The following CAMKMT variants were observed in gnomAD, a reference collection of about 807,000 sequenced individuals.
The protein encoded by CAMKMT is CaM KMT.
In CAMKMT, 53 loss-of-function variants were observed where a neutral mutation model predicts 48.0. The observed-to-expected ratio is 1.10, with a 90% confidence interval of 0.89 to 1.39. The LOEUF (loss-of-function observed/expected upper bound fraction) is 1.39, where lower values mean the gene tolerates loss of function less well. CAMKMT is among the 40% of genes most tolerant of loss of function. CAMKMT has a pLI of 0.00. For synonymous variants in CAMKMT, 165 were observed against 152.3 expected (o/e 1.08, Z -0.61); for missense variants, 428 against 402.7 (o/e 1.06, Z -0.54).
At chr2:44,415,855 CACTAA>C (rs1345471055) in intron 3 of CAMKMT, among the ~76,000 whole-genome samples, 1 of 152,156 alleles carries the variant, frequency 6.6e-6, no homozygotes, top group African/African-American at 2.4e-5. Flanking sequence ...AACCCCTACA[CACTAA>C]ATCATGCTGT....
At chr2:44,368,967 C>T (rs59090218) in intron 1 of CAMKMT, among the ~76,000 whole-genome samples, 5,159 of 152,188 alleles carry the variant, frequency 0.034, 394 homozygotes, top group East Asian at 0.32. Context: ...CCTTCTGTGC[C>T]TTCTGCCTCC....
chr2:44,687,011 A>G (rs1205911373), intron 3 of CAMKMT, among the ~76,000 whole-genome samples: 3 of 152,220 alleles, frequency 2.0e-5, no homozygotes, highest in African/African-American at 7.2e-5. Flanking sequence ...GGTTACTGTA[A>G]AATTAGAGGC....
chr2:44,670,650 G>A (rs1675273401), intron 3 of CAMKMT, among the ~76,000 whole-genome samples: 4 of 152,084 alleles, frequency 2.6e-5, no homozygotes, highest in Admixed American at 2.6e-4. Context: ...GTGTCAGTGA[G>A]ACCCTGTCTC....
intron 3 of CAMKMT, among the ~76,000 whole-genome samples, chr2:44,642,404 C>T (rs1011884612): frequency 3.9e-5 from 6 of 152,234 alleles, no homozygotes; most frequent in African/African-American, 1.4e-4. Context: ...TGCCATAAGG[C>T]AGCTGTGTTG....
At chr2:44,517,783 C>T (rs1670908162) in intron 3 of CAMKMT, among the ~76,000 whole-genome samples, 2 of 152,160 alleles carry the variant, frequency 1.3e-5, no homozygotes, top group South Asian at 4.1e-4. Flanking sequence ...AGATCATCAA[C>T]AATTAGTTGA....
At chr2:44,750,500 TA>T (rs1419578234) in intron 8 of CAMKMT, among the ~76,000 whole-genome samples, 3 of 152,224 alleles carry the variant, frequency 2.0e-5, no homozygotes, top group African/African-American at 7.2e-5. Context: ...CAATTTTTAT[TA>T]AGTAGAAGAC....
intron 3 of CAMKMT, among the ~76,000 whole-genome samples, chr2:44,546,196 C>CACACACAT: frequency 6.9e-6 from 1 of 144,114 alleles, no homozygotes; most frequent in Non-Finnish European, 1.5e-5. Flanking sequence ...CACACACACA[C>CACACACAT]ACACACATAC....
chr2:44,639,065 G>C (rs1673305894), intron 3 of CAMKMT, among the ~76,000 whole-genome samples: 3 of 152,276 alleles, frequency 2.0e-5, no homozygotes, highest in African/African-American at 7.2e-5. Flanking sequence ...TTGACATGGA[G>C]AAAACAAGAC....
At chr2:44,395,475 C>G (rs1267686373) in intron 3 of CAMKMT, among the ~76,000 whole-genome samples, 1 of 151,798 alleles carries the variant, frequency 6.6e-6, no homozygotes, top group Non-Finnish European at 1.5e-5. Context: ...ATACACAGTA[C>G]AGTGGTTTGA....
intron 3 of CAMKMT, among the ~76,000 whole-genome samples, chr2:44,474,091 A>G (rs1668559616): frequency 6.6e-6 from 1 of 152,208 alleles, no homozygotes; most frequent in African/African-American, 2.4e-5. Flanking sequence ...TATGTGCATC[A>G]TAATAAACAT....
chr2:44,437,573 C>T (rs960015826), intron 3 of CAMKMT, among the ~76,000 whole-genome samples: 4 of 152,054 alleles, frequency 2.6e-5, no homozygotes, highest in African/African-American at 9.7e-5. Flanking sequence ...ATTGGCTGAT[C>T]ACAGTGGCTC....
chr2:44,674,525 A>C lies in CAMKMT; in HGVS notation c.377-29758A>C, dbSNP rs1675556889. Among the ~76,000 whole-genome samples, 2 of 152,174 alleles carry C rather than the reference A, an allele frequency of 1.3e-5. 1 individual carries two copies. The highest frequency in any genetic ancestry group is 4.1e-4 in the South Asian group (2 of 4,824). On this transcript the variant is annotated intron_variant, in intron 3 of 10. Coordinates refer to ENST00000378494, the MANE Select transcript of CAMKMT (RefSeq NM_024766.5). ...AAAGTAATGCCTCCACACAATGAAA[A>C]CACTCAGTAACACCTGGAAAGCTTA...
intron 3 of CAMKMT, among the ~76,000 whole-genome samples, chr2:44,524,219 AT>A (rs1671282607): frequency 6.6e-6 from 1 of 152,144 alleles, no homozygotes; most frequent in Admixed American, 6.5e-5. Flanking sequence ...GGATGGGGAC[AT>A]AGAATATAAA....
chr2:44,769,831 T>C (rs1681029708), intron 10 of CAMKMT, among the ~76,000 whole-genome samples: 1 of 152,162 alleles, frequency 6.6e-6, no homozygotes, highest in South Asian at 2.1e-4. Context: ...CTGGTGCTTA[T>C]AATCTGTGTG....
chr2:44,545,531 G>A (rs1398814361), intron 3 of CAMKMT, among the ~76,000 whole-genome samples: 1 of 152,006 alleles, frequency 6.6e-6, no homozygotes, highest in Non-Finnish European at 1.5e-5. Context: ...TACACATGCA[G>A]TTTTTGTTTT....
chr2:44,575,531 C>T (rs1200811783), intron 3 of CAMKMT, among the ~76,000 whole-genome samples: 1 of 151,940 alleles, frequency 6.6e-6, no homozygotes, highest in Admixed American at 6.6e-5. Flanking sequence ...AACATGACAC[C>T]CTTACAGATC....
intron 3 of CAMKMT, among the ~76,000 whole-genome samples, chr2:44,422,877 A>C (rs1315297122): frequency 2.0e-5 from 3 of 152,016 alleles, no homozygotes; most frequent in Non-Finnish European, 4.4e-5. Flanking sequence ...GAACCAGTGA[A>C]TTCTCTGGGT....
At chr2:44,502,269 C>A (rs1373003765) in intron 3 of CAMKMT, among the ~76,000 whole-genome samples, 1 of 141,420 alleles carries the variant, frequency 7.1e-6, no homozygotes, top group Non-Finnish European at 1.5e-5. Context: ...TTTGGTGTTT[C>A]CCAACTTAGA....
intron 3 of CAMKMT, among the ~76,000 whole-genome samples, chr2:44,644,509 A>C (rs1335284444): frequency 6.6e-6 from 1 of 152,240 alleles, no homozygotes; most frequent in Non-Finnish European, 1.5e-5. Context: ...TCAACTCCAA[A>C]GAGTCAAAAG....
Sources: allele counts gnomAD v4.1 joint callset (sites outside exome capture counted in the v4.1 genomes callset), GRCh38; gene constraint gnomAD v4.1.1; transcripts MANE v1.5; gene names NCBI Gene and HGNC (gene_info 2026-07-23, HGNC 2026-07-21).